CUX2: variants seen among roughly 807,000 people sequenced by gnomAD.
The protein encoded by CUX2 is homeobox protein cut-like 2.
In CUX2, 40 loss-of-function variants were observed where a neutral mutation model predicts 144.8. That is an observed-to-expected ratio of 0.28 (90% CI 0.21 to 0.36). The LOEUF (loss-of-function observed/expected upper bound fraction) is 0.36. Ranked by LOEUF, CUX2 falls within the 10% of genes least tolerant of loss-of-function variation. The pLI, the probability that CUX2 is intolerant of heterozygous loss-of-function variation, is 1.00. For synonymous variants in CUX2, 827 were observed against 875.6 expected (o/e 0.94, Z 0.98); for missense variants, 1,615 against 1,994.0 (o/e 0.81, Z 3.62).
At chr12:111,168,532 A>G (rs888743902) in intron 1 of CUX2, among the ~76,000 whole-genome samples, 1 of 152,162 alleles carries the variant, frequency 6.6e-6, no homozygotes, top group Non-Finnish European at 1.5e-5. Flanking sequence ...AGGGTGGCCC[A>G]TGTGGCTCAG....
chr12:111,230,765 C>G (rs1456988558), intron 3 of CUX2, among the ~76,000 whole-genome samples: 1 of 152,182 alleles, frequency 6.6e-6, no homozygotes, highest in East Asian at 1.9e-4. Context: ...CTGGTAAATG[C>G]TGAACAACTA....
In CUX2 at chr12:111,320,745, C is replaced by G; in HGVS notation, c.2736C>G (p.Asn912Lys). 1 of 1,579,020 alleles carries G rather than the reference C, an allele frequency of 6.3e-7. No homozygotes were observed. The highest frequency in any genetic ancestry group is 8.6e-7 in the Non-Finnish European group (1 of 1,169,262). Residue 912 changes from asparagine (N) to lysine (K), a missense_variant, in exon 17 of 22, where the codon AAC becomes AAG. Coordinates refer to ENST00000261726, the MANE Select transcript of CUX2 (RefSeq NM_015267.4). This position sits in a 1 kb window ranked among gnomAD's most constrained non-coding sequence, Gnocchi z 8.1. ...AGGTCAAGGAGAAGCTGGCCAAGAA[C>G]GGCATCTGCCAGAGGATCTTCGGGG... ...TRQVKEKLAKNGICQRIFGEK... is the reference protein window; with the variant it reads ...TRQVKEKLAKKGICQRIFGEK...
chr12:111,094,084 C>T lies in CUX2; in HGVS notation c.63+59844C>T, dbSNP rs528002987. On this transcript the variant is annotated intron_variant, in intron 1 of 21. Coordinates refer to ENST00000261726, the MANE Select transcript of CUX2 (RefSeq NM_015267.4). ...TTTCAATAGCAGACAGGCAATTTGA[C>T]GGACAGGGGACAGTGTATTATTAAC... Among the ~76,000 whole-genome samples the T allele has an allele frequency of 2.6e-5, 4 of 152,312 alleles. No individual in the cohort carries two copies. In the East Asian group the frequency reaches 5.8e-4, roughly 22 times the overall value.
chr12:111,337,425 C>A (rs1476705711), intron 19 of CUX2, among the ~76,000 whole-genome samples: 2 of 151,808 alleles, frequency 1.3e-5, no homozygotes, highest in African/African-American at 4.8e-5. Context: ...TAGAATAATT[C>A]TATTACCCGC....
At chr12:111,326,188 G>GT (rs1161322836) in intron 18 of CUX2, among the ~76,000 whole-genome samples, 1 of 27,774 alleles carries the variant, frequency 3.6e-5, no homozygotes, top group Non-Finnish European at 5.9e-5. Context: ...GGAGGGGTGG[G>GT]TTTGTTTATA....
chr12:111,299,628 A>G (rs1051921327), intron 9 of CUX2, among the ~76,000 whole-genome samples: 1 of 152,198 alleles, frequency 6.6e-6, no homozygotes. Context: ...CCCTGAGCTT[A>G]GGTCCAGCAT....
At chr12:111,108,641 A>T (rs1273435600) in intron 1 of CUX2, among the ~76,000 whole-genome samples, 1 of 151,170 alleles carries the variant, frequency 6.6e-6, no homozygotes, top group Non-Finnish European at 1.5e-5. Context: ...TCTACCCACT[A>T]TCTTTTCTCT....
At chr12:111,202,244 AG>A (rs1400629475) in intron 1 of CUX2, among the ~76,000 whole-genome samples, 1 of 152,196 alleles carries the variant, frequency 6.6e-6, no homozygotes, top group Non-Finnish European at 1.5e-5. Context: ...GAGGGGCACA[AG>A]GGGTCCCCAG....
At chr12:111,092,968 A>G (rs1172466855) in intron 1 of CUX2, among the ~76,000 whole-genome samples, 3 of 152,012 alleles carry the variant, frequency 2.0e-5, no homozygotes, top group African/African-American at 7.2e-5. Flanking sequence ...GGTACATGCC[A>G]ACAAGCTCAG....
At chr12:111,115,913 A>G (rs1196993937) in intron 1 of CUX2, among the ~76,000 whole-genome samples, 1 of 152,228 alleles carries the variant, frequency 6.6e-6, no homozygotes, top group African/African-American at 2.4e-5. Context: ...TTATAAATGA[A>G]TGAATGAATG....
chr12:111,064,655 C>T (rs538187071), intron 1 of CUX2, among the ~76,000 whole-genome samples: 2 of 152,262 alleles, frequency 1.3e-5, no homozygotes, highest in South Asian at 4.2e-4. Flanking sequence ...GTTAAGAGCT[C>T]CTACTTTTAT....
At chr12:111,088,021 C>T (rs780638906) in intron 1 of CUX2, among the ~76,000 whole-genome samples, 2 of 152,078 alleles carry the variant, frequency 1.3e-5, no homozygotes, top group South Asian at 2.1e-4. Context: ...TTGAAGGAAT[C>T]GTGCTGAGGG....
intron 1 of CUX2, among the ~76,000 whole-genome samples, chr12:111,173,700 G>T (rs1163406389): frequency 2.0e-5 from 3 of 152,160 alleles, no homozygotes; most frequent in Non-Finnish European, 4.4e-5. Context: ...TTGGCTGAGG[G>T]GTAGGCCTGA....
intron 18 of CUX2, among the ~76,000 whole-genome samples, chr12:111,327,299 C>A (rs1887865820): frequency 6.6e-6 from 1 of 152,086 alleles, no homozygotes. Flanking sequence ...ATGGATAGAC[C>A]CCATTTTGAC....
chr12:111,345,997 C>T (rs900618719), intron 21 of CUX2, among the ~76,000 whole-genome samples: 8 of 149,960 alleles, frequency 5.3e-5, no homozygotes, highest in African/African-American at 2.0e-4. Context: ...CCCAGCTACT[C>T]AGGAGGCTGA....
intron 1 of CUX2, among the ~76,000 whole-genome samples, chr12:111,071,153 G>A (rs181616079): frequency 6.7e-6 from 1 of 150,056 alleles, no homozygotes. Flanking sequence ...CAAGATTGCT[G>A]GATCATATGG....
chr12:111,286,185 A>G (rs1592918774), intron 4 of CUX2, among the ~76,000 whole-genome samples: 1 of 152,176 alleles, frequency 6.6e-6, no homozygotes, highest in Admixed American at 6.5e-5. Context: ...GAATGCCAGC[A>G]CCTGGTGTGC....
At chr12:111,311,985 T>C in intron 15 of CUX2, 115 bp from the exon 16 acceptor site, 1 of 745,324 alleles carries the variant, frequency 1.3e-6, no homozygotes, top group East Asian at 2.8e-5. Flanking sequence ...GCCATCTCAC[T>C]GATGGTCTGA....
rs545999747 is a variant in CUX2 at position 111,159,067 on chromosome 12, G to A, written c.64-55133G>A. Among the ~76,000 whole-genome samples the A allele has an allele frequency of 5.9e-5, 9 of 152,288 alleles. No individual in the cohort carries two copies. In the South Asian group the frequency reaches 1.5e-3, roughly 25 times the overall value. Reference sequence around the variant, plus strand: ...ATTTCTCAAGCCCAGCTGGTGTTCCGATCCCTCATCCCACTCAGACAGGTG... The same window carrying A: ...ATTTCTCAAGCCCAGCTGGTGTTCCAATCCCTCATCCCACTCAGACAGGTG... On this transcript the variant is annotated intron_variant, in intron 1 of 21. Coordinates refer to ENST00000261726, the MANE Select transcript of CUX2 (RefSeq NM_015267.4).
Sources: gnomAD v4.1 joint callset for allele counts (sites outside exome capture counted in the v4.1 genomes callset) on GRCh38, gnomAD v4.1.1 for gene constraint, Gnocchi (gnomAD v3.1) non-coding constraint, MANE v1.5 for transcripts, NCBI Gene and HGNC (gene_info 2026-07-23, HGNC 2026-07-21) for gene names.